The following VWA2 variants were observed in gnomAD, a reference collection of about 807,000 sequenced individuals.
VWA2 encodes von Willebrand factor A domain containing 2, also known as von Willebrand factor A domain-containing protein 2.
In VWA2, 73 loss-of-function variants were observed where a neutral mutation model predicts 70.4. That is an observed-to-expected ratio of 1.04 (90% CI 0.86 to 1.26). The LOEUF is 1.26. Ranked by LOEUF, VWA2 falls within the 50% of genes most tolerant of loss-of-function variation. VWA2 has a pLI of 0.00. For synonymous variants in VWA2, 407 were observed against 423.3 expected (o/e 0.96, Z 0.47); for missense variants, 1,011 against 998.5 (o/e 1.01, Z -0.17).
At position 114,266,252 on chromosome 10, in the gene VWA2, G is replaced by A. The variant is rs184042662; in HGVS notation, c.371+4957G>A. 2.2e-3 allele frequency among the ~76,000 whole-genome samples: 337 copies of A among 151,762 alleles called. 5 individuals carry two copies. Among genetic ancestry groups the A allele is most frequent in the African/African-American group, 7.1e-3 (293 of 41,314 alleles). ...GCAGAGCTTGCAGTGAGCCGAGATC[G>A]CGCCACTGCACTCCAGCCTGGGTGA... is the stretch of plus-strand genomic sequence containing the variant. On this transcript the variant is annotated intron_variant, in intron 5 of 13. Transcript: ENST00000392982.
At position 114,286,351 on chromosome 10, in the gene VWA2, G is replaced by T. The variant is rs146618772; in HGVS notation, c.1410G>T (p.Ala470=). 1.2e-6 allele frequency: 2 copies of T among 1,613,542 alleles called. No individual in the cohort carries two copies. Among genetic ancestry groups the T allele is most frequent in the South Asian group, 2.2e-5 (2 of 91,058 alleles). The part of the protein sequence containing the change: ...EVAGPARHAR[A]RELLLLGVGS... Reference sequence around the variant, plus strand: ...CGGGCCCAGCGCGTCACGCAAGGGCGCGAGAGCTGCTCCTGCTGGGTGTAG... The same window carrying T: ...CGGGCCCAGCGCGTCACGCAAGGGCTCGAGAGCTGCTCCTGCTGGGTGTAG... Residue 470 remains alanine, a synonymous_variant, in exon 11 of 14, where the codon GCG becomes GCT. Coordinates refer to ENST00000392982, the MANE Select transcript of VWA2 (RefSeq NM_001272046.2).
rs771784030 is a variant in VWA2, at chr10:114,286,148, G to A, written c.1207G>A (p.Val403Met). The change falls in exon 11 of 14, where the codon GTG becomes ATG. Residue 403 changes from valine to methionine, a missense_variant. Transcript: ENST00000392982. The part of the protein sequence containing the change: ...VAVPVGEYQD[V>M]PDLVWSLDGI... Reference sequence around the variant, plus strand: ...GGTGCCTGTGGGGGAGTACCAGGATGTGCCTGACCTGGTCTGGAGCCTCGA... The same window carrying A: ...GGTGCCTGTGGGGGAGTACCAGGATATGCCTGACCTGGTCTGGAGCCTCGA... 1.9e-6 allele frequency: 3 copies of A among 1,613,988 alleles called. No individual in the cohort carries two copies. The highest frequency in any genetic ancestry group is 2.7e-5 in the African/African-American group (2 of 74,946).
chr10:114,289,072 C>T lies in VWA2; in HGVS notation c.1705C>T (p.Gln569Ter), dbSNP rs2039265105. 1 of 1,614,202 alleles carries T rather than the reference C, an allele frequency of 6.2e-7. No homozygotes were observed. ...GTTTGAGGTGAACCCTGACGTGACA[C>T]AGGTCGGCCTGGTGGTGTATGGCAG... ...LQFEVNPDVT[Q>*]VGLVVYGSQV... is the part of the protein sequence containing the mutation. The change falls in exon 12 of 14, where the codon CAG (glutamine) becomes TAG (stop). Residue 569 changes from glutamine (Q) to a stop codon, truncating the protein, a stop_gained. Coordinates refer to ENST00000392982, the MANE Select transcript of VWA2 (RefSeq NM_001272046.2). LOFTEE classifies it high-confidence loss of function.
intron 8 of VWA2, among the ~76,000 whole-genome samples, chr10:114,282,155 C>A (rs2038216684): frequency 6.6e-6 from 1 of 152,100 alleles, no homozygotes; most frequent in Admixed American, 6.6e-5. Context: ...AGGCACATGC[C>A]ACCACGCCCA....
At chr10:114,271,685 A>G (rs1456957454) in intron 5 of VWA2, among the ~76,000 whole-genome samples, 2 of 151,920 alleles carry the variant, frequency 1.3e-5, no homozygotes, top group African/African-American at 4.8e-5. Context: ...ATGTTTTCTC[A>G]TTAGAAAAAT....
intron 1 of VWA2, among the ~76,000 whole-genome samples, chr10:114,247,670 A>AG (rs968168434): frequency 1.3e-5 from 2 of 152,114 alleles, no homozygotes; most frequent in African/African-American, 4.8e-5. Context: ...TGTCAAAAAA[A>AG]AAAACAAAAC....
chr10:114,272,904 C>T lies in VWA2; in HGVS notation c.536C>T (p.Thr179Ile), dbSNP rs758009104. Reference protein sequence around the residue: ...PSKQLKERGVTVFAVGVRFPR... With the variant: ...PSKQLKERGVIVFAVGVRFPR... ...AAGCAGCTGAAGGAAAGGGGTGTCA[C>T]TGTGTTTGCTGTGGGGGTCAGGTTT... Residue 179 changes from threonine to isoleucine, a missense_variant, in exon 6 of 14, where the codon ACT becomes ATT. By Grantham distance (89) the Thr-to-Ile change is moderately conservative. Coordinates refer to ENST00000392982, the MANE Select transcript of VWA2 (RefSeq NM_001272046.2). The T allele has an allele frequency of 6.2e-6, 10 of 1,613,222 alleles. No homozygotes were observed. In the East Asian group the frequency reaches 2.0e-4, roughly 32 times the overall value.
intron 8 of VWA2, 46 bp from the exon 9 acceptor site, chr10:114,282,470 C>G: frequency 6.6e-7 from 1 of 1,510,828 alleles, no homozygotes; most frequent in Non-Finnish European, 9.2e-7. Flanking sequence ...TCTGCCCTCC[C>G]CTTACACCTC....
chr10:114,284,632 G>A (rs942590901), intron 9 of VWA2, among the ~76,000 whole-genome samples: 1 of 152,146 alleles, frequency 6.6e-6, no homozygotes, highest in African/African-American at 2.4e-5. Context: ...CATCACACAG[G>A]GCCTTACCAA....
chr10:114,256,802 C>T (rs1026019550), intron 4 of VWA2, among the ~76,000 whole-genome samples: 1 of 149,060 alleles, frequency 6.7e-6, no homozygotes, highest in Non-Finnish European at 1.5e-5. Flanking sequence ...CCCAGCTACT[C>T]GGAAGGCTGA....
intron 5 of VWA2, among the ~76,000 whole-genome samples, chr10:114,263,684 TACAC>T (rs2037497234): frequency 6.6e-6 from 1 of 152,166 alleles, no homozygotes; most frequent in Admixed American, 6.5e-5. Context: ...CTGTGACTGT[TACAC>T]ACGCTAACTT....
At chr10:114,256,446 T>C (rs1026050565) in intron 4 of VWA2, among the ~76,000 whole-genome samples, 4 of 152,174 alleles carry the variant, frequency 2.6e-5, no homozygotes, top group African/African-American at 9.7e-5. Context: ...AGTTTTCTTA[T>C]ATCTGTATAC....
chr10:114,275,460 C>T (rs2037816174), intron 6 of VWA2, among the ~76,000 whole-genome samples: 1 of 152,216 alleles, frequency 6.6e-6, no homozygotes. Context: ...TAGCCATTGC[C>T]AAAGATTTGT....
intron 7 of VWA2, 67 bp from the exon 8 acceptor site, chr10:114,278,652 G>T: frequency 6.3e-7 from 1 of 1,595,606 alleles, no homozygotes; most frequent in Non-Finnish European, 8.6e-7. Flanking sequence ...TGCTGGGGAA[G>T]CGTGTGTGGC....
rs2039761376 is a variant in VWA2 at position 114,293,228 on chromosome 10, A to C, written c.*1991A>C. Among the ~76,000 whole-genome samples, 1 of 152,252 alleles carries C rather than the reference A, an allele frequency of 6.6e-6. No homozygotes were observed. The highest frequency in any genetic ancestry group is 1.5e-5 in the Non-Finnish European group (1 of 68,046). On this transcript the variant is annotated 3_prime_UTR_variant, in exon 14 of 14. Transcript: ENST00000392982. ...ACTTTGTTATTATGCTGCCCTTCACAGAAGACAACGTCCGGGGCAGGATCA... is the reference window on the plus strand; with the variant it reads ...ACTTTGTTATTATGCTGCCCTTCACCGAAGACAACGTCCGGGGCAGGATCA...
intron 2 of VWA2, among the ~76,000 whole-genome samples, chr10:114,249,107 C>G (rs954210667): frequency 3.9e-5 from 6 of 152,070 alleles, no homozygotes; most frequent in African/African-American, 1.4e-4. Flanking sequence ...TTTGCTGCAC[C>G]TATCAACCCA....
At chr10:114,242,115 A>C (rs934125307) in intron 1 of VWA2, among the ~76,000 whole-genome samples, 2 of 152,036 alleles carry the variant, frequency 1.3e-5, no homozygotes, top group African/African-American at 2.4e-5. Context: ...CTTTCCTTGA[A>C]TGTGATTACT....
At chr10:114,250,471 G>A (rs1270539029) in intron 2 of VWA2, among the ~76,000 whole-genome samples, 1 of 152,202 alleles carries the variant, frequency 6.6e-6, no homozygotes, top group African/African-American at 2.4e-5. Context: ...TCACAGCCTC[G>A]TGAGGCTCGG....
In VWA2 at chr10:114,289,427, A is replaced by G. The variant is rs1325549465; in HGVS notation, c.2060A>G (p.His687Arg). Residue 687 changes from histidine to arginine, a missense_variant, in exon 12 of 14, where the codon CAC (histidine) becomes CGC (arginine). Physicochemically the swap from His to Arg is conservative, Grantham distance 29. Coordinates refer to ENST00000392982, the MANE Select transcript of VWA2 (RefSeq NM_001272046.2). ...RLAGPRDSLI[H>R]VAAYADLRYH... The stretch of plus-strand genomic sequence containing the variant: ...GCAGGTCCCCGGGATTCCCTGATCC[A>G]CGTGGCAGCTTACGCCGACCTGCGG... 1.2e-6 allele frequency: 2 copies of G among 1,614,160 alleles called. No homozygotes were observed. Among genetic ancestry groups the G allele is most frequent in the Admixed American group, 3.3e-5 (2 of 60,030 alleles).
Sources: allele counts gnomAD v4.1 joint callset (sites outside exome capture counted in the v4.1 genomes callset), GRCh38; gene constraint gnomAD v4.1.1; transcripts MANE v1.5; gene names NCBI Gene and HGNC (gene_info 2026-07-23, HGNC 2026-07-21).